Variants in CCND3 observed in about 807,000 individuals in gnomAD.
CCND3 encodes the protein cyclin D3.
A neutral mutation model predicts 28.7 loss-of-function variants in CCND3; 9 were observed. That is an observed-to-expected ratio of 0.31 (90% CI 0.19 to 0.55). The LOEUF is 0.55. Ranked by LOEUF, CCND3 falls within the 20% of genes least tolerant of loss-of-function variation. The pLI, the probability that CCND3 is intolerant of heterozygous loss-of-function variation, is 0.93. For missense variants in CCND3, 315 were observed against 385.8 expected (o/e 0.82, Z 1.54); for synonymous variants, 164 against 163.9 (o/e 1.00, Z 0.00).
At chr6:42,044,783 T>TTTTATTTATTTATTTA (rs70987565) in intron 1 of CCND3, among the ~76,000 whole-genome samples, 29,896 of 142,886 alleles carry the variant, frequency 0.21, 3,407 homozygotes, top group East Asian at 0.29. Context: ...CTTTCTTTCC[T>TTTTATTTATTTATTTA]TTTATTTATT....
intron 1 of CCND3, chr6:41,940,836 AGGATTCCAAAC>A: frequency 9.2e-7 from 1 of 1,089,120 alleles, no homozygotes; most frequent in Non-Finnish European, 1.4e-6. Context: ...TTGCTCACGG[AGGATTCCAAAC>A]GGAGACTCCC....
rs3050131 is a variant in CCND3 at position 41,941,783 on chromosome 6, CCG to C, written c.-136_-135del. 0.93 allele frequency: 329,220 copies of C among 355,396 alleles called. 153,188 individuals are homozygous for C. Among genetic ancestry groups the C allele is most frequent in the East Asian group, 1 (20,320 of 20,380 alleles). The allele number at this position is 355,396 out of a possible 1,614,324, so 22.0% of individuals were successfully genotyped here. ...GGCGGATCCCCAGCCCGCCCGCCGC[CCG>C]CGCGCGCGCGCCGCTTCCCTGACAG... On this transcript the variant is annotated 5_prime_UTR_variant, in exon 1 of 5. Coordinates refer to ENST00000372991, the MANE Select transcript of CCND3 (RefSeq NM_001760.5). This position sits in a 1 kb window ranked among gnomAD's most constrained non-coding sequence, Gnocchi z 6.1.
intron 1 of CCND3, among the ~76,000 whole-genome samples, chr6:41,979,730 T>C (rs10947999): frequency 0.99 from 149,245 of 150,674 alleles, 73,925 homozygotes; most frequent in Middle Eastern, 1. Context: ...AAAAAAATTC[T>C]TTAGCAAATC....
chr6:41,981,576 T>G (rs999565738), intron 1 of CCND3, among the ~76,000 whole-genome samples: 1 of 151,648 alleles, frequency 6.6e-6, no homozygotes, highest in African/African-American at 2.4e-5. Flanking sequence ...CAGGCTGGAG[T>G]GCAGTGGCGT....
chr6:42,045,463 G>C (rs773890315), intron 1 of CCND3, among the ~76,000 whole-genome samples: 4 of 152,132 alleles, frequency 2.6e-5, no homozygotes, highest in Non-Finnish European at 5.9e-5. Context: ...AAAAACTTAG[G>C]GACAGCTCCC....
chr6:41,953,818 C>T lies in CCND3; in HGVS notation c.-45-13233G>A, dbSNP rs146816748. On this transcript the variant is annotated intron_variant, in intron 1 of 4. Coordinates refer to the CCND3 transcript ENST00000372988. ...GGAGGTGGGTCTGCTAAGGGACTTC[C>T]ATCAGTGGGGCACGGGAGGAAAACA... 1.7e-3 allele frequency among the ~76,000 whole-genome samples: 264 copies of T among 152,050 alleles called. 1 individual carries two copies. Among genetic ancestry groups the T allele is most frequent in the South Asian group, 0.01 (49 of 4,810 alleles).
intron 1 of CCND3, among the ~76,000 whole-genome samples, chr6:41,971,666 C>T (rs895965619): frequency 3.3e-5 from 5 of 151,574 alleles, no homozygotes; most frequent in African/African-American, 1.2e-4. Context: ...CTCAGCCTCT[C>T]GAGTAGCTGC....
At chr6:41,972,679 C>T (rs1762067513) in intron 1 of CCND3, among the ~76,000 whole-genome samples, 1 of 152,022 alleles carries the variant, frequency 6.6e-6, no homozygotes, top group Non-Finnish European at 1.5e-5. Context: ...AGCCTCACGC[C>T]TCCTTGTCTG....
intron 1 of CCND3, among the ~76,000 whole-genome samples, chr6:42,006,474 C>G (rs934292887): frequency 2.6e-5 from 4 of 151,638 alleles, no homozygotes; most frequent in African/African-American, 9.7e-5. Flanking sequence ...TTGCTTCTAG[C>G]TGACATTAAA....
At chr6:41,998,969 C>A (rs4472339) in intron 1 of CCND3, among the ~76,000 whole-genome samples, 7 of 152,182 alleles carry the variant, frequency 4.6e-5, no homozygotes, top group Non-Finnish European at 8.8e-5. Flanking sequence ...GTGAGCCACC[C>A]CGCCTGGCTG....
At chr6:41,971,324 C>T (rs1762026446) in intron 1 of CCND3, among the ~76,000 whole-genome samples, 1 of 152,058 alleles carries the variant, frequency 6.6e-6, no homozygotes, top group Non-Finnish European at 1.5e-5. Flanking sequence ...GGTGTAACTA[C>T]GTTGCCTAGA....
intron 1 of CCND3, among the ~76,000 whole-genome samples, chr6:41,989,061 G>A (rs1037236110): frequency 6.6e-6 from 1 of 152,066 alleles, no homozygotes. Context: ...TCAAAAGAAT[G>A]AGAAGACAAG....
chr6:42,049,460 G>T (rs746621740), upstream of CCND3, among the ~76,000 whole-genome samples: 1 of 152,240 alleles, frequency 6.6e-6, no homozygotes. Flanking sequence ...TCAAGTGCCC[G>T]AAGTACCATA....
intron 1 of CCND3, among the ~76,000 whole-genome samples, chr6:41,967,245 G>A (rs1761913339): frequency 6.6e-6 from 1 of 152,174 alleles, no homozygotes; most frequent in African/African-American, 2.4e-5. Flanking sequence ...CAGGGCAGCA[G>A]AGTCACCAAG....
chr6:41,984,364 G>C (rs1762422469), intron 1 of CCND3, among the ~76,000 whole-genome samples: 2 of 152,134 alleles, frequency 1.3e-5, no homozygotes, highest in African/African-American at 4.8e-5. Context: ...TTGTTTGTTT[G>C]AGACGCAGTT....
intron 1 of CCND3, among the ~76,000 whole-genome samples, chr6:41,959,998 T>C (rs926789093): frequency 1.3e-5 from 2 of 151,540 alleles, no homozygotes; most frequent in East Asian, 3.9e-4. Flanking sequence ...TGTGGACATA[T>C]GAATAAATGA....
At chr6:42,045,805 G>T (rs954588055) in intron 1 of CCND3, among the ~76,000 whole-genome samples, 13 of 152,232 alleles carry the variant, frequency 8.5e-5, no homozygotes, top group African/African-American at 3.1e-4. Context: ...AGGGGCCCCA[G>T]AACTTTCCCC....
At position 41,935,999 on chromosome 6, in the gene CCND3, T is replaced by C. The variant is rs1775776372; in HGVS notation, c.820A>G (p.Ser274Gly). ...SPAPKAPRGS[S>G]SQGPSQTSTP... is the part of the protein sequence containing the mutation. ...CTGGTCTGGCTGGGCCCTTGGCTGC[T>C]GGAGCCCCGGGGGGCTTTGGGCGCT... The change falls in exon 5 of 5, where the codon AGC (serine) becomes GGC (glycine). Residue 274 changes from serine to glycine, a missense_variant. Ser to Gly is a moderately conservative substitution (Grantham distance 56, BLOSUM62 0). Coordinates refer to ENST00000372991, the MANE Select transcript of CCND3 (RefSeq NM_001760.5). 5 of 1,613,452 alleles carry C rather than the reference T, an allele frequency of 3.1e-6. No homozygotes were observed. In the South Asian group the frequency reaches 4.4e-5, roughly 14 times the overall value.
At chr6:42,031,733 A>C (rs1764048978) in intron 1 of CCND3, among the ~76,000 whole-genome samples, 1 of 151,222 alleles carries the variant, frequency 6.6e-6, no homozygotes, top group African/African-American at 2.4e-5. Flanking sequence ...TTGTAAATAT[A>C]TGTACAATTT....
Sources: gnomAD v4.1 joint callset for allele counts (sites outside exome capture counted in the v4.1 genomes callset) on GRCh38, gnomAD v4.1.1 for gene constraint, Gnocchi (gnomAD v3.1) non-coding constraint, MANE v1.5 for transcripts, NCBI Gene and HGNC (gene_info 2026-07-23, HGNC 2026-07-21) for gene names.